The following CHST9 variants were observed in gnomAD, a reference collection of about 807,000 sequenced individuals.
CHST9 encodes the protein carbohydrate sulfotransferase 9, also known as GalNAc-4-sulfotransferase 2.
In CHST9, 41 loss-of-function variants were observed where a neutral mutation model predicts 44.4. The ratio of observed to expected loss-of-function variants is 0.92; its 90% CI spans 0.72 to 1.20. The LOEUF (loss-of-function observed/expected upper bound fraction) is 1.20, where lower values mean the gene tolerates loss of function less well. Among genes scored for constraint, CHST9 ranks in the 50% most tolerant of loss-of-function variants. The probability of loss-of-function intolerance (pLI) is 0.00; values close to 1 mark genes in which losing one functional copy is unlikely to be tolerated. For synonymous variants in CHST9, 171 were observed against 178.4 expected (o/e 0.96, Z 0.33); for missense variants, 504 against 516.5 (o/e 0.98, Z 0.23).
intron 1 of CHST9, among the ~76,000 whole-genome samples, chr18:27,145,913 A>G (rs895844636): frequency 1.3e-5 from 2 of 152,232 alleles, no homozygotes; most frequent in Non-Finnish European, 2.9e-5. Flanking sequence ...ATGAACAGAC[A>G]TAATTCCTGG....
chr18:27,053,042 A>G (rs924536385), intron 2 of CHST9, among the ~76,000 whole-genome samples: 1 of 151,028 alleles, frequency 6.6e-6, no homozygotes, highest in Admixed American at 6.7e-5. Context: ...TTCCTATGTA[A>G]CAAACCTGCA....
At chr18:26,917,510 T>C (rs1286432279) in intron 5 of CHST9, among the ~76,000 whole-genome samples, 160 bp from the exon 6 acceptor site, 1 of 152,148 alleles carries the variant, frequency 6.6e-6, no homozygotes, top group Non-Finnish European at 1.5e-5. Context: ...ATACATTTTG[T>C]AGTGAGCTTC....
intron 1 of CHST9, among the ~76,000 whole-genome samples, chr18:27,153,439 C>T (rs866570369): frequency 6.6e-6 from 1 of 151,730 alleles, no homozygotes; most frequent in Admixed American, 6.6e-5. Context: ...TATGTGGTTG[C>T]GTAGATCTAG....
chr18:27,182,695 C>T (rs970495927), intron 1 of CHST9, among the ~76,000 whole-genome samples: 1 of 152,184 alleles, frequency 6.6e-6, no homozygotes, highest in South Asian at 2.1e-4. Flanking sequence ...TCAAATCTTG[C>T]TTTATTGATG....
intron 2 of CHST9, among the ~76,000 whole-genome samples, chr18:27,058,682 C>T (rs2057686263): frequency 1.3e-5 from 2 of 152,218 alleles, no homozygotes; most frequent in Admixed American, 1.3e-4. Context: ...CCAGGTGTTC[C>T]AGCCATCCCA....
At chr18:27,142,975 T>C in intron 1 of CHST9, 70 bp from the exon 2 acceptor site, 1 of 573,996 alleles carries the variant, frequency 1.7e-6, no homozygotes, top group Non-Finnish European at 2.9e-6. Context: ...GGCATAAATA[T>C]TCACTATCTC....
chr18:27,004,470 T>G (rs984272237), intron 4 of CHST9, among the ~76,000 whole-genome samples: 4 of 152,150 alleles, frequency 2.6e-5, no homozygotes, highest in Admixed American at 6.5e-5. Context: ...ATGGTCCTTT[T>G]TCTCTAACCC....
chr18:26,955,574 C>T (rs2056311271), intron 4 of CHST9, among the ~76,000 whole-genome samples: 1 of 152,080 alleles, frequency 6.6e-6, no homozygotes, highest in African/African-American at 2.4e-5. Flanking sequence ...AAATTGAGAG[C>T]CCAGGCACTG....
chr18:26,985,840 G>A (rs1431275615), intron 4 of CHST9, among the ~76,000 whole-genome samples: 1 of 152,188 alleles, frequency 6.6e-6, no homozygotes, highest in East Asian at 1.9e-4. Flanking sequence ...ACAATTTTTA[G>A]GGCATTGAGT....
At chr18:26,998,547 G>A (rs968521809) in intron 4 of CHST9, among the ~76,000 whole-genome samples, 6 of 151,950 alleles carry the variant, frequency 3.9e-5, no homozygotes, top group South Asian at 2.1e-4. Context: ...CCAACATGGC[G>A]AAACCCTGTC....
At chr18:27,088,872 T>A (rs1239743943) in intron 2 of CHST9, among the ~76,000 whole-genome samples, 3 of 152,142 alleles carry the variant, frequency 2.0e-5, no homozygotes, top group Admixed American at 1.3e-4. Flanking sequence ...TGGTTTAGAA[T>A]CCTCCTACAG....
chr18:26,935,867 G>A (rs868816829), intron 5 of CHST9: 8 of 152,038 alleles, frequency 5.3e-5, no homozygotes, highest in Non-Finnish European at 8.8e-5. Context: ...TCTCCTTCCC[G>A]GAAATTTGTT....
At chr18:27,095,838 G>A (rs2058111500) in intron 2 of CHST9, among the ~76,000 whole-genome samples, 1 of 152,032 alleles carries the variant, frequency 6.6e-6, no homozygotes, top group Non-Finnish European at 1.5e-5. Flanking sequence ...ATGATAGTGG[G>A]GGACTTCAAT....
intron 1 of CHST9, among the ~76,000 whole-genome samples, chr18:27,143,367 CAG>C (rs1453187522): frequency 6.6e-6 from 1 of 152,018 alleles, no homozygotes; most frequent in Non-Finnish European, 1.5e-5. Context: ...TATAAAGTAA[CAG>C]ATTTCTCCAA....
intron 1 of CHST9, among the ~76,000 whole-genome samples, chr18:27,181,194 C>G (rs1468414923): frequency 6.6e-6 from 1 of 152,170 alleles, no homozygotes; most frequent in African/African-American, 2.4e-5. Context: ...TTTCTAAATT[C>G]TAACAGTCCA....
At chr18:27,031,601 T>C (rs942705142) in intron 3 of CHST9, among the ~76,000 whole-genome samples, 5 of 152,208 alleles carry the variant, frequency 3.3e-5, no homozygotes, top group Admixed American at 3.3e-4. Context: ...AAATTGTTTT[T>C]CCTATGCTAC....
chr18:27,101,226 A>G (rs1295653848), intron 2 of CHST9, among the ~76,000 whole-genome samples: 1 of 152,230 alleles, frequency 6.6e-6, no homozygotes, highest in African/African-American at 2.4e-5. Flanking sequence ...CATAGAGTGA[A>G]GCTAACATAT....
intron 2 of CHST9, among the ~76,000 whole-genome samples, chr18:27,053,218 GGAAGAAGAAGAAGAAGAA>G (rs1198842599): frequency 2.6e-3 from 85 of 32,348 alleles, no homozygotes; most frequent in South Asian, 7.6e-3. Flanking sequence ...AGGAGGAAGA[GGAAGAAGAAGAAGAAGAA>G]GAAGAAGAAG....
At chr18:26,925,086 C>G (rs1314451568) in intron 5 of CHST9, among the ~76,000 whole-genome samples, 1 of 151,634 alleles carries the variant, frequency 6.6e-6, no homozygotes, top group Admixed American at 6.6e-5. Flanking sequence ...CAAAGTTATA[C>G]TTATGGGAGG....
Sources: gnomAD v4.1 joint callset for allele counts (sites outside exome capture counted in the v4.1 genomes callset) on GRCh38, gnomAD v4.1.1 for gene constraint, MANE v1.5 for transcripts, NCBI Gene and HGNC (gene_info 2026-07-23, HGNC 2026-07-21) for gene names.